SLC15A4: variants seen among roughly 807,000 people sequenced by gnomAD.
SLC15A4 encodes hPHT1.
A neutral mutation model predicts 46.1 loss-of-function variants in SLC15A4; 26 were observed. The observed-to-expected ratio is 0.56, with a 90% confidence interval of 0.41 to 0.78. The LOEUF is 0.78. SLC15A4 is among the 30% of genes least tolerant of loss of function. The pLI is 0.00. For missense variants in SLC15A4, 751 were observed against 755.7 expected, an observed-to-expected ratio of 0.99 and a Z score of 0.07; for synonymous variants, 370 against 333.4, an observed-to-expected ratio of 1.11 and a Z score of -1.20.
intron 1 of SLC15A4, among the ~76,000 whole-genome samples, chr12:128,822,523 G>T (rs1357230033): frequency 6.6e-6 from 1 of 152,140 alleles, no homozygotes. Context: ...GAACATAGAA[G>T]GGTCCCGTTC....
intron 7 of SLC15A4, among the ~76,000 whole-genome samples, chr12:128,794,835 C>T (rs1262219286): frequency 6.6e-6 from 1 of 152,234 alleles, no homozygotes; most frequent in Non-Finnish European, 1.5e-5. Context: ...AATCCCCCCA[C>T]ACCAGAACAG....
chr12:128,794,825 A>G (rs1444372103), intron 7 of SLC15A4, among the ~76,000 whole-genome samples: 1 of 152,200 alleles, frequency 6.6e-6, no homozygotes. Context: ...TGTGACTGCT[A>G]ATCCCCCCAC....
At position 128,800,537 on chromosome 12, in the gene SLC15A4, A is replaced by C. The variant is rs115248508; in HGVS notation, c.1414+317T>G. Among the ~76,000 whole-genome samples the C allele has an allele frequency of 4.2e-3, 643 of 152,384 alleles. 7 individuals are homozygous for C. The highest frequency in any genetic ancestry group is 0.014 in the African/African-American group (597 of 41,592). ...TGAGAGCTGTGAGCTCAGCCCAGCC[A>C]CCACGGCAGCATGGCCGAGGGCTCC... On this transcript the variant is annotated intron_variant, in intron 6 of 7. Transcript: ENST00000266771.
chr12:128,809,149 G>C, intron 4 of SLC15A4, 193 bp from the exon 5 acceptor site: 1 of 628,442 alleles, frequency 1.6e-6, no homozygotes, highest in South Asian at 2.2e-5. Flanking sequence ...GCTTTTCTGT[G>C]TTTTGAGGGG....
intron 5 of SLC15A4, among the ~76,000 whole-genome samples, chr12:128,804,801 T>C (rs1955564538): frequency 3.3e-5 from 5 of 152,200 alleles, no homozygotes; most frequent in South Asian, 2.1e-4. Flanking sequence ...GCTAGGCAAA[T>C]GCTTGGAACT....
In SLC15A4 at chr12:128,793,213, G is replaced by A. The variant is rs1955405045; in HGVS notation, c.*983C>T. 2.0e-5 allele frequency: 3 copies of A among 152,170 alleles called. No homozygotes were observed. The highest frequency in any genetic ancestry group is 2.0e-4 in the Admixed American group (3 of 15,268). 9.4% of individuals were successfully genotyped at this position (152,170 alleles called of 1,614,324 possible). A position where few individuals can be genotyped will look rare whatever the true frequency, so the allele number is the denominator to read the frequency against. On this transcript the variant is annotated 3_prime_UTR_variant, in exon 8 of 8. Coordinates refer to ENST00000266771, the MANE Select transcript of SLC15A4 (RefSeq NM_145648.4). ...GGCTCATGGATTTCGCATTTGAGAT[G>A]CTTTTTATAATAAAGTTATGCCAAA...
At chr12:128,806,355 C>A (rs1238680993) in intron 5 of SLC15A4, among the ~76,000 whole-genome samples, 1 of 151,840 alleles carries the variant, frequency 6.6e-6, no homozygotes, top group East Asian at 1.9e-4. Flanking sequence ...CAATAATATA[C>A]CATTTTTCAA....
At chr12:128,816,836 A>G (rs900211194) in intron 1 of SLC15A4, among the ~76,000 whole-genome samples, 20 of 152,242 alleles carry the variant, frequency 1.3e-4, no homozygotes, top group African/African-American at 4.6e-4. Flanking sequence ...AAAGAAAAAA[A>G]AAGATATGGT....
At chr12:128,821,884 C>CA (rs10579523) in intron 1 of SLC15A4, among the ~76,000 whole-genome samples, 2,007 of 132,906 alleles carry the variant, frequency 0.015, 46 homozygotes, top group African/African-American at 0.054. Flanking sequence ...GACTCCGCCT[C>CA]AAAAAAAAAA....
At chr12:128,801,475 GATA>G (rs993324502) in intron 5 of SLC15A4, 2 of 154,540 alleles carry the variant, frequency 1.3e-5, no homozygotes, top group African/African-American at 4.8e-5. Flanking sequence ...AACAAATGAT[GATA>G]ATAATGATGA....
At chr12:128,794,744 G>T (rs1047650618) in intron 7 of SLC15A4, among the ~76,000 whole-genome samples, 1 of 152,236 alleles carries the variant, frequency 6.6e-6, no homozygotes, top group Non-Finnish European at 1.5e-5. Context: ...AGTGTCGACG[G>T]AGAGTGTGCC....
Position 128,794,499 on chromosome 12 carries a change from G to A in SLC15A4, c.1574-143C>T, listed in dbSNP as rs1328050480. On this transcript the variant is annotated intron_variant, in intron 7 of 7. Coordinates refer to ENST00000266771, the MANE Select transcript of SLC15A4 (RefSeq NM_145648.4). Reference sequence around the variant, plus strand: ...AAATGTTGTCTCTGTAGTCCAAAATGCACAAGCATCTTGCTTTCAAAACCA... The same window carrying A: ...AAATGTTGTCTCTGTAGTCCAAAATACACAAGCATCTTGCTTTCAAAACCA... 7.5e-6 allele frequency: 6 copies of A among 795,948 alleles called. No individual in the cohort carries two copies. The East Asian group carries it at 8.5e-5, about 11-fold the overall frequency. The allele number at this position is 795,948 out of a possible 1,614,324, so 49.3% of individuals were successfully genotyped here.
chr12:128,798,814 C>G (rs973962256), intron 7 of SLC15A4, among the ~76,000 whole-genome samples: 1 of 152,176 alleles, frequency 6.6e-6, no homozygotes, highest in African/African-American at 2.4e-5. Flanking sequence ...AACTTACTAT[C>G]TATCTTGTCT....
chr12:128,805,112 A>C (rs1258135137), intron 5 of SLC15A4, among the ~76,000 whole-genome samples: 1 of 152,144 alleles, frequency 6.6e-6, no homozygotes, highest in African/African-American at 2.4e-5. Context: ...TGAGAAGCCA[A>C]AGGCAGCCGG....
At position 128,794,288 on chromosome 12, in the gene SLC15A4, G is replaced by C; in HGVS notation, c.1642C>G (p.Leu548Val). The C allele has an allele frequency of 6.2e-7, 1 of 1,614,004 alleles. No individual in the cohort carries two copies. The highest frequency in any genetic ancestry group is 8.5e-7 in the Non-Finnish European group (1 of 1,179,894). ...TTCACAGAAATAATGAGGAAAAGCA[G>C]GAGGGTAGCTCCTTGAATAGCAGCC... ...LLAAIQGATLLLFLIISVKYD... is the reference protein window; with the variant it reads ...LLAAIQGATLVLFLIISVKYD... Residue 548 changes from leucine to valine, a missense_variant, in exon 8 of 8, where the codon CTG (leucine) becomes GTG (valine). Physicochemically the swap from Leu to Val is conservative, Grantham distance 32. Transcript: ENST00000266771.
chr12:128,799,453 G>A, intron 6 of SLC15A4, 36 bp from the exon 7 acceptor site: 1 of 1,611,556 alleles, frequency 6.2e-7, no homozygotes, highest in Non-Finnish European at 8.5e-7. Flanking sequence ...TTTTGTGAAA[G>A]GGGCACTTTA....
At chr12:128,812,052 A>T (rs1323628076) in intron 2 of SLC15A4, among the ~76,000 whole-genome samples, 1 of 152,202 alleles carries the variant, frequency 6.6e-6, no homozygotes, top group African/African-American at 2.4e-5. Flanking sequence ...AGGTGTGTGT[A>T]TTCTCCAGGA....
chr12:128,794,827 T>C (rs75426692), intron 7 of SLC15A4, among the ~76,000 whole-genome samples: 5,497 of 152,188 alleles, frequency 0.036, 301 homozygotes, highest in African/African-American at 0.12. Context: ...TGACTGCTAA[T>C]CCCCCCACAC....
intron 5 of SLC15A4, among the ~76,000 whole-genome samples, chr12:128,802,551 G>A (rs927079353): frequency 6.6e-6 from 1 of 152,182 alleles, no homozygotes; most frequent in Non-Finnish European, 1.5e-5. Context: ...CACAGGAGAG[G>A]AGGAGAGCCT....
Sources: allele counts gnomAD v4.1 joint callset (sites outside exome capture counted in the v4.1 genomes callset), GRCh38; gene constraint gnomAD v4.1.1; transcripts MANE v1.5; gene names NCBI Gene and HGNC (gene_info 2026-07-23, HGNC 2026-07-21).